The following KDM5B variants were observed in gnomAD, a reference collection of about 807,000 sequenced individuals.
KDM5B encodes lysine demethylase 5B, also known as lysine-specific demethylase 5B.
KDM5B carries 144 observed loss-of-function variants against 193.4 expected under a neutral mutation model. That is an observed-to-expected ratio of 0.74 (90% CI 0.65 to 0.86). The LOEUF is 0.86. KDM5B is among the 40% of genes least tolerant of loss of function. The pLI is 0.00. For synonymous variants in KDM5B, 668 were observed against 682.6 expected (o/e 0.98, Z 0.33); for missense variants, 1,833 against 1,886.9 (o/e 0.97, Z 0.53).
chr1:202,758,363 T>G (rs771679243), intron 9 of KDM5B, 28 bp downstream of exon 9: 1 of 1,547,952 alleles, frequency 6.5e-7, no homozygotes, highest in Non-Finnish European at 8.8e-7. Context: ...ATTAAAATCC[T>G]AAATCAAAGC....
rs1654615302 is a variant in KDM5B at position 202,724,615 on chromosome 1, A to G, written c.*4421T>C. 6.6e-6 allele frequency: 1 copy of G among 152,226 alleles called. No individual in the cohort carries two copies. The highest frequency in any genetic ancestry group is 2.4e-5 in the African/African-American group (1 of 41,466). The allele number at this position is 152,226 out of a possible 1,614,324, so 9.4% of individuals were successfully genotyped here. A position where few individuals can be genotyped will look rare whatever the true frequency, so the allele number is the denominator to read the frequency against. The stretch of plus-strand genomic sequence containing the variant: ...CCCCAAACTAATTTTTCTCAATTTT[A>G]GTGTTTATTAAATGGATATACATAT... On this transcript the variant is annotated 3_prime_UTR_variant, in exon 27 of 27. Coordinates refer to ENST00000367265, the MANE Select transcript of KDM5B (RefSeq NM_006618.5).
chr1:202,749,239 G>C, intron 13 of KDM5B, 100 bp from the exon 14 acceptor site: 1 of 1,049,122 alleles, frequency 9.5e-7, no homozygotes, highest in Non-Finnish European at 1.4e-6. Flanking sequence ...TCACACTATG[G>C]GTCTTAACAC....
At chr1:202,794,041 G>C (rs1657743389) in intron 1 of KDM5B, among the ~76,000 whole-genome samples, 1 of 152,146 alleles carries the variant, frequency 6.6e-6, no homozygotes, top group Admixed American at 6.6e-5. Context: ...AAAGTCTAAA[G>C]ACCTGGAATT....
intron 4 of KDM5B, among the ~76,000 whole-genome samples, chr1:202,772,453 A>G (rs1225853928): frequency 6.6e-6 from 1 of 152,234 alleles, no homozygotes; most frequent in Non-Finnish European, 1.5e-5. Context: ...CAGCTGGCAG[A>G]AGAGAACAGG....
chr1:202,756,132 A>C (rs1203022570), intron 10 of KDM5B, among the ~76,000 whole-genome samples: 1 of 152,222 alleles, frequency 6.6e-6, no homozygotes, highest in Non-Finnish European at 1.5e-5. Context: ...AGGAGAAACC[A>C]AGGTTATAAA....
chr1:202,731,119 C>G, intron 24 of KDM5B, 56 bp from the exon 25 acceptor site: 1 of 1,461,286 alleles, frequency 6.8e-7, no homozygotes, highest in Non-Finnish European at 9.3e-7. Flanking sequence ...TTCACATTCA[C>G]ATTTGGGTTT....
At chr1:202,735,700 T>A in intron 21 of KDM5B, 113 bp from the exon 22 acceptor site, 2 of 992,424 alleles carry the variant, frequency 2.0e-6, no homozygotes, top group South Asian at 1.7e-5. Context: ...TTCTTAGTAT[T>A]GAAGATTTTC....
intron 1 of KDM5B, among the ~76,000 whole-genome samples, chr1:202,785,838 G>A (rs1461515722): frequency 6.6e-6 from 1 of 151,592 alleles, no homozygotes; most frequent in Non-Finnish European, 1.5e-5. Context: ...GAACCCAGGA[G>A]GCAGATGATG....
Position 202,803,221 on chromosome 1 carries a change from A to T in KDM5B, c.204+4881T>A, listed in dbSNP as rs1162744289. Among the ~76,000 whole-genome samples, 4 of 152,138 alleles carry T rather than the reference A, an allele frequency of 2.6e-5. No individual in the cohort carries two copies. The East Asian group carries it at 7.7e-4, about 29-fold the overall frequency. ...TGTTTATTAATGTTTTTCAAAGGTA[A>T]TTCTCTACTCATTTCGCTCTTTTAA... On this transcript the variant is annotated intron_variant, in intron 1 of 26. Coordinates refer to ENST00000367265, the MANE Select transcript of KDM5B (RefSeq NM_006618.5).
rs776321929 is a variant in KDM5B, at chr1:202,733,896, A to G, written c.3424-10T>C. 6.3e-7 allele frequency: 1 copy of G among 1,599,336 alleles called. No individual in the cohort carries two copies. Among genetic ancestry groups the G allele is most frequent in the East Asian group, 2.2e-5 (1 of 44,774 alleles). On this transcript the variant is annotated splice_polypyrimidine_tract_variant and intron_variant, in intron 22 of 26. Transcript: ENST00000367265. ...CCCCAAGAGTTGCCATCTGAAAAAG[A>G]GTTAACAATCAAGGATGATGTCCGA...
rs371312359 is a variant in KDM5B at position 202,731,812 on chromosome 1, A to G, written c.4021+16T>C. ...TCATTACTATCCAGCCCTCAACGTA[A>G]TAACAAAATACAAACCATGGAGGGG... is the stretch of plus-strand genomic sequence containing the variant. On this transcript the variant is annotated intron_variant, in intron 24 of 26. Coordinates refer to ENST00000367265, the MANE Select transcript of KDM5B (RefSeq NM_006618.5). 3.3e-5 allele frequency: 51 copies of G among 1,533,242 alleles called. No homozygotes were observed. The highest frequency in any genetic ancestry group is 4.4e-5 in the Non-Finnish European group (49 of 1,106,362). The allele number at this position is 1,533,242 out of a possible 1,614,324, so 95.0% of individuals were successfully genotyped here.
At chr1:202,740,877 A>G in intron 19 of KDM5B, 65 bp from the exon 20 acceptor site, 1 of 1,479,878 alleles carries the variant, frequency 6.8e-7, no homozygotes, top group Non-Finnish European at 9.1e-7. Context: ...TATGGTTACC[A>G]AAAAAACTAG....
chr1:202,735,282 A>G, intron 22 of KDM5B, 147 bp downstream of exon 22: 1 of 800,352 alleles, frequency 1.2e-6, no homozygotes, highest in South Asian at 2.0e-5. Context: ...AACTCTTAAC[A>G]CTTGACAATT....
chr1:202,739,747 C>T (rs930152708), intron 20 of KDM5B, among the ~76,000 whole-genome samples: 1 of 152,138 alleles, frequency 6.6e-6, no homozygotes, highest in Non-Finnish European at 1.5e-5. Context: ...TCCATTTAAC[C>T]CTGAGTGGAC....
chr1:202,764,852 C>T (rs1021157221), intron 5 of KDM5B, among the ~76,000 whole-genome samples: 1 of 152,052 alleles, frequency 6.6e-6, no homozygotes, highest in Non-Finnish European at 1.5e-5. Context: ...TTGTGCACAC[C>T]TGTGGTCCCA....
chr1:202,745,903 A>AG lies in KDM5B; in HGVS notation c.2277dup (p.Asn761GlufsTer4). The AG allele has an allele frequency of 6.2e-7, 1 of 1,614,036 alleles. No individual in the cohort carries two copies. Among genetic ancestry groups the AG allele is most frequent in the Non-Finnish European group, 8.5e-7 (1 of 1,179,920 alleles). On this transcript the variant is annotated frameshift_variant, in exon 16 of 27. Transcript: ENST00000367265. LOFTEE classifies it high-confidence loss of function. ...GCCTCCAAAGCTTCATTCACATTCAAGGCCCATTCGTTGTAAGATTCTGCT... is the reference window on the plus strand; with the variant it reads ...GCCTCCAAAGCTTCATTCACATTCAAGGGCCCATTCGTTGTAAGATTCTGCT...
chr1:202,794,736 C>T (rs926924763), intron 1 of KDM5B, among the ~76,000 whole-genome samples: 1 of 152,166 alleles, frequency 6.6e-6, no homozygotes, highest in African/African-American at 2.4e-5. Context: ...TGGTAGTCCC[C>T]ACCCTTATCT....
intron 1 of KDM5B, among the ~76,000 whole-genome samples, chr1:202,804,659 T>C (rs915049935): frequency 6.6e-6 from 1 of 152,162 alleles, no homozygotes; most frequent in Non-Finnish European, 1.5e-5. Flanking sequence ...GAAAAATTTT[T>C]GTCTCTTGTG....
intron 7 of KDM5B, among the ~76,000 whole-genome samples, chr1:202,760,804 C>T (rs10732290): frequency 0.78 from 117,986 of 152,184 alleles, 46,931 homozygotes; most frequent in Admixed American, 0.86. Flanking sequence ...GCTTTCTCAA[C>T]TGTCATGTGT....
Sources: allele counts gnomAD v4.1 joint callset (sites outside exome capture counted in the v4.1 genomes callset), GRCh38; gene constraint gnomAD v4.1.1; transcripts MANE v1.5; gene names NCBI Gene and HGNC (gene_info 2026-07-23, HGNC 2026-07-21).